The following CACNA1B variants were observed in gnomAD, a reference collection of about 807,000 sequenced individuals.
The protein encoded by CACNA1B is calcium voltage-gated channel subunit alpha1 B, also known as voltage-dependent N-type calcium channel subunit alpha-1B.
CACNA1B carries 70 observed loss-of-function variants against 247.2 expected under a neutral mutation model. That is an observed-to-expected ratio of 0.28 (90% CI 0.23 to 0.35). The LOEUF is 0.35. Ranked by LOEUF, CACNA1B falls within the 10% of genes least tolerant of loss-of-function variation. The pLI is 1.00. For synonymous variants in CACNA1B, 1,231 were observed against 1,294.4 expected, an observed-to-expected ratio of 0.95 and a Z score of 1.05; for missense variants, 2,367 against 3,197.4, an observed-to-expected ratio of 0.74 and a Z score of 6.26.
chr9:138,096,429 G>A (rs1006930140), intron 36 of CACNA1B, 55 bp from the exon 37 acceptor site: 135 of 1,541,028 alleles, frequency 8.8e-5, no homozygotes, highest in Non-Finnish European at 9.0e-5. Context: ...GGGGGGCGGC[G>A]GGGAGGGCAG....
intron 31 of CACNA1B, among the ~76,000 whole-genome samples, chr9:138,066,615 C>G (rs1183357097): frequency 6.6e-6 from 1 of 151,984 alleles, no homozygotes; most frequent in Non-Finnish European, 1.5e-5. Flanking sequence ...ACCTTCTCCA[C>G]TTTTAAGGAA....
chr9:138,064,032 C>G (rs139690800), intron 31 of CACNA1B, among the ~76,000 whole-genome samples: 3 of 152,296 alleles, frequency 2.0e-5, no homozygotes, highest in Non-Finnish European at 4.4e-5. Context: ...CCTGGGCACA[C>G]GAGACCACTG....
Position 137,955,678 on chromosome 9 carries a change from T to C in CACNA1B, c.1071-20T>C. The C allele has an allele frequency of 2.5e-6, 4 of 1,570,122 alleles. No homozygotes were observed. The highest frequency in any genetic ancestry group is 3.5e-6 in the Non-Finnish European group (4 of 1,144,704). ...GGCTTGCACTCACCTGATCTTGCTT[T>C]TCCGGCCCCTGCATGGTAGGGAGTT... is the stretch of plus-strand genomic sequence containing the variant. On this transcript the variant is annotated intron_variant, in intron 7 of 46. Transcript: ENST00000371372. The surrounding 1 kb of genome is among the most constrained non-coding windows in gnomAD (Gnocchi z 6.9).
At chr9:137,949,068 TA>T (rs1452477256) in intron 6 of CACNA1B, among the ~76,000 whole-genome samples, 14 of 85,512 alleles carry the variant, frequency 1.6e-4, no homozygotes, top group South Asian at 4.2e-4. Flanking sequence ...AGTATGTGTG[TA>T]GTGTGTGTGG....
chr9:137,886,221 G>A (rs532355784), intron 3 of CACNA1B, among the ~76,000 whole-genome samples: 1 of 151,852 alleles, frequency 6.6e-6, no homozygotes, highest in South Asian at 2.1e-4. Flanking sequence ...CCCACACAGA[G>A]TGGGCCTGGG....
At chr9:138,067,605 A>T (rs1167346825) in intron 31 of CACNA1B, among the ~76,000 whole-genome samples, 9 of 152,254 alleles carry the variant, frequency 5.9e-5, no homozygotes, top group Admixed American at 5.9e-4. Flanking sequence ...AGGCTGAGGC[A>T]CAAGAATCGC....
At chr9:137,927,751 G>A (rs1428280754) in intron 6 of CACNA1B, among the ~76,000 whole-genome samples, 1 of 152,174 alleles carries the variant, frequency 6.6e-6, no homozygotes, top group African/African-American at 2.4e-5. Flanking sequence ...CTGTACGGTT[G>A]AGTTGTTGTT....
rs1335098490 is a variant in CACNA1B at position 137,899,366 on chromosome 9, T to G, written c.531-13814T>G. ...TCTTGGCCTCCCAAAGCGCTGGGAT[T>G]GGGATATGCTTTCTTAACCTCAGTT... On this transcript the variant is annotated intron_variant, in intron 3 of 46. Transcript: ENST00000371372. The surrounding 1 kb of genome is among the most constrained non-coding windows in gnomAD (Gnocchi z 5.0). Among the ~76,000 whole-genome samples the G allele has an allele frequency of 2.6e-5, 4 of 152,262 alleles. No individual in the cohort carries two copies. In the East Asian group the frequency reaches 7.7e-4, roughly 29 times the overall value.
At chr9:137,995,428 T>TG (rs1393449434) in intron 15 of CACNA1B, among the ~76,000 whole-genome samples, 2 of 151,746 alleles carry the variant, frequency 1.3e-5, no homozygotes, top group African/African-American at 4.8e-5. Context: ...AAACATAAAG[T>TG]GGGGAAAGGA....
intron 39 of CACNA1B, 46 bp from the exon 40 acceptor site, chr9:138,112,352 C>G: frequency 6.9e-7 from 1 of 1,446,906 alleles, no homozygotes; most frequent in Admixed American, 1.7e-5. Flanking sequence ...AGGGCTGCTC[C>G]TAACATCTCT....
intron 36 of CACNA1B, among the ~76,000 whole-genome samples, chr9:138,084,437 C>T (rs1018659083): frequency 6.6e-6 from 1 of 151,304 alleles, no homozygotes; most frequent in African/African-American, 2.4e-5. Flanking sequence ...CTTCTGCTGC[C>T]ACAAACTTCT....
chr9:138,107,471 TCTC>T (rs1346457670), intron 39 of CACNA1B, among the ~76,000 whole-genome samples: 1 of 151,980 alleles, frequency 6.6e-6, no homozygotes, highest in African/African-American at 2.4e-5. Flanking sequence ...ATCATCCTTT[TCTC>T]CTCCTTCCTT....
In CACNA1B at chr9:138,117,936, T is replaced by C; in HGVS notation, c.5778-10T>C. ...ACCCTACAGGAATCTGTTTGTCTTCTCTGCCACAGACAAAACCAAGAGAGT... is the reference window on the plus strand; with the variant it reads ...ACCCTACAGGAATCTGTTTGTCTTCCCTGCCACAGACAAAACCAAGAGAGT... On this transcript the variant is annotated splice_polypyrimidine_tract_variant and intron_variant, in intron 42 of 46. Coordinates refer to ENST00000371372, the MANE Select transcript of CACNA1B (RefSeq NM_000718.4). 1.3e-6 allele frequency: 2 copies of C among 1,564,326 alleles called. No individual in the cohort carries two copies. Among genetic ancestry groups the C allele is most frequent in the Non-Finnish European group, 1.7e-6 (2 of 1,149,688 alleles).
At chr9:137,997,393 T>C (rs1000361431) in intron 15 of CACNA1B, among the ~76,000 whole-genome samples, 4 of 152,144 alleles carry the variant, frequency 2.6e-5, no homozygotes, top group Non-Finnish European at 4.4e-5. Flanking sequence ...ACAGATGAAA[T>C]ATTTATACAC....
Position 137,952,461 on chromosome 9 carries a change from T to G in CACNA1B, c.1070+84T>G, listed in dbSNP as rs1186198171. On this transcript the variant is annotated intron_variant, in intron 7 of 46. Transcript: ENST00000371372. The surrounding 1 kb of genome is among the most constrained non-coding windows in gnomAD (Gnocchi z 4.8). The stretch of plus-strand genomic sequence containing the variant: ...ACAGGGGCACGTGTGACACTTGGGG[T>G]GGGGGCCTGGCCCATGGGTGCCCTC... The G allele has an allele frequency of 1.7e-6, 2 of 1,169,170 alleles. No homozygotes were observed. Among genetic ancestry groups the G allele is most frequent in the Non-Finnish European group, 2.5e-6 (2 of 785,486 alleles). The allele number at this position is 1,169,170 out of a possible 1,614,324, so 72.4% of individuals were successfully genotyped here. A position where few individuals can be genotyped will look rare whatever the true frequency, so the allele number is the denominator to read the frequency against.
chr9:137,887,988 G>A (rs1434624216), intron 3 of CACNA1B, among the ~76,000 whole-genome samples: 1 of 151,704 alleles, frequency 6.6e-6, no homozygotes, highest in African/African-American at 2.4e-5. Context: ...GCTCCAGCAG[G>A]GGAGAGGCTG....
chr9:138,071,562 C>T (rs1288255412), intron 32 of CACNA1B, among the ~76,000 whole-genome samples: 2 of 152,192 alleles, frequency 1.3e-5, no homozygotes, highest in East Asian at 1.9e-4. Context: ...CGTCTCCTGC[C>T]CCCAGCCTCT....
chr9:138,039,069 G>C (rs985057913), intron 20 of CACNA1B, among the ~76,000 whole-genome samples: 3 of 152,046 alleles, frequency 2.0e-5, no homozygotes, highest in Non-Finnish European at 4.4e-5. Flanking sequence ...AGTGGGGCGT[G>C]CCTGTAATCC....
Position 137,984,248 on chromosome 9 carries a change from G to C in CACNA1B, c.1767G>C (p.Thr589=). The C allele has an allele frequency of 6.3e-7, 1 of 1,580,386 alleles. No homozygotes were observed. Among genetic ancestry groups the C allele is most frequent in the Non-Finnish European group, 8.6e-7 (1 of 1,162,492 alleles). The part of the protein sequence containing the change: ...ALRLLRIFKV[T]KYWSSLRNLV... ...GCCTGCTGAGGATCTTCAAAGTCAC[G>C]AAGTACGTCCCCTGCGCTCCCAGGC... The change falls in exon 13 of 47, where the codon ACG becomes ACC. Residue 589 remains threonine (T), a splice_region_variant and synonymous_variant. Coordinates refer to ENST00000371372, the MANE Select transcript of CACNA1B (RefSeq NM_000718.4).
Sources: allele counts gnomAD v4.1 joint callset (sites outside exome capture counted in the v4.1 genomes callset), GRCh38; gene constraint gnomAD v4.1.1; non-coding constraint Gnocchi (gnomAD v3.1); transcripts MANE v1.5; gene names NCBI Gene and HGNC (gene_info 2026-07-23, HGNC 2026-07-21).